Variants in KDM1A observed in about 807,000 individuals in gnomAD.
KDM1A encodes the protein lysine-specific histone demethylase 1A.
In KDM1A, 49 loss-of-function variants were observed where a neutral mutation model predicts 109.4. That is an observed-to-expected ratio of 0.45 (90% confidence interval 0.36 to 0.57). The LOEUF (loss-of-function observed/expected upper bound fraction) is 0.57. Ranked by LOEUF, KDM1A falls within the 20% of genes least tolerant of loss-of-function variation. The pLI, the probability that KDM1A is intolerant of heterozygous loss-of-function variation, is 0.00. For missense variants in KDM1A, 668 were observed against 1,116.6 expected (o/e 0.60, Z 5.73); for synonymous variants, 380 against 415.4 (o/e 0.91, Z 1.04).
intron 7 of KDM1A, among the ~76,000 whole-genome samples, chr1:23,056,943 T>G (rs1349952783): frequency 6.6e-6 from 1 of 152,044 alleles, no homozygotes; most frequent in African/African-American, 2.4e-5. Context: ...ATAAAAGGTA[T>G]TGTGAACAGG....
chr1:23,026,840 G>T (rs1184560802), intron 1 of KDM1A, among the ~76,000 whole-genome samples: 1 of 152,174 alleles, frequency 6.6e-6, no homozygotes. Flanking sequence ...CTCATAGTCT[G>T]CCTGTTGGGA....
At position 23,038,250 on chromosome 1, in the gene KDM1A, CTGTTTG is replaced by C. The variant is rs1435497980; in HGVS notation, c.518-6173_518-6168del. Among the ~76,000 whole-genome samples, 576 of 85,144 alleles carry C rather than the reference CTGTTTG, an allele frequency of 6.8e-3. 21 individuals carry two copies. In the Admixed American group the frequency reaches 0.072, roughly 11 times the overall value. The allele number at this position is 85,144 out of a possible 152,430, so 55.9% of individuals were successfully genotyped here. A position where few individuals can be genotyped will look rare whatever the true frequency, so the allele number is the denominator to read the frequency against. ...TAGATAACTTTTTAAGCATCTGGAACTGTTTGTGTGTGTGTGTGTGTGTGTGTGTGT... is the reference window on the plus strand; with the variant it reads ...TAGATAACTTTTTAAGCATCTGGAACTGTGTGTGTGTGTGTGTGTGTGTGT... On this transcript the variant is annotated intron_variant, in intron 2 of 20. Coordinates refer to ENST00000400181, the MANE Select transcript of KDM1A (RefSeq NM_001009999.3).
intron 2 of KDM1A, among the ~76,000 whole-genome samples, chr1:23,038,254 T>TTG (rs56016343): frequency 0.1 from 15,340 of 149,154 alleles, 784 homozygotes; most frequent in South Asian, 0.17. Context: ...CTGGAACTGT[T>TTG]TGTGTGTGTG....
chr1:23,029,976 C>T (rs538826163), intron 1 of KDM1A, among the ~76,000 whole-genome samples: 1 of 152,332 alleles, frequency 6.6e-6, no homozygotes, highest in South Asian at 2.1e-4. Context: ...TGCACCTTTT[C>T]ATAGTTTCAG....
intron 3 of KDM1A, 95 bp from the exon 4 acceptor site, chr1:23,050,292 C>T (rs1642628186): frequency 7.8e-7 from 1 of 1,285,920 alleles, no homozygotes; most frequent in Non-Finnish European, 1.0e-6. Flanking sequence ...TTAAAAAGGT[C>T]AGTCTGTGAG....
At chr1:23,037,303 C>CAAAAAAAA (rs34692132) in intron 2 of KDM1A, among the ~76,000 whole-genome samples, 2 of 55,860 alleles carry the variant, frequency 3.6e-5, no homozygotes, top group African/African-American at 1.3e-4. Context: ...GACCCTGTCT[C>CAAAAAAAA]AAAAAAAAAA....
chr1:23,066,859 T>G (rs1380824460), intron 10 of KDM1A, among the ~76,000 whole-genome samples: 1 of 152,228 alleles, frequency 6.6e-6, no homozygotes, highest in Non-Finnish European at 1.5e-5. Context: ...GTAGCATGTT[T>G]CTGAGCAAAA....
chr1:23,029,398 A>T (rs1167777206), intron 1 of KDM1A, among the ~76,000 whole-genome samples: 2 of 152,208 alleles, frequency 1.3e-5, no homozygotes, highest in African/African-American at 4.8e-5. Flanking sequence ...GGAAGTCACA[A>T]TGATGATTTG....
At chr1:23,059,041 T>C in intron 8 of KDM1A, 32 bp from the exon 9 acceptor site, 1 of 1,397,256 alleles carries the variant, frequency 7.2e-7, no homozygotes, top group East Asian at 2.3e-5. Flanking sequence ...TTCATAGGTC[T>C]ATTGAATTTA....
intron 2 of KDM1A, among the ~76,000 whole-genome samples, chr1:23,036,789 A>G (rs1238300198): frequency 6.6e-6 from 1 of 152,188 alleles, no homozygotes; most frequent in Admixed American, 6.5e-5. Flanking sequence ...GGTGAAGAGT[A>G]GAGAATTGGT....
chr1:23,066,039 C>A, intron 9 of KDM1A, 21 bp from the exon 10 acceptor site: 1 of 1,605,286 alleles, frequency 6.2e-7, no homozygotes, highest in South Asian at 1.1e-5. Flanking sequence ...TTATTTCTCT[C>A]TCTGCTGCAC....
At chr1:23,068,785 T>A in intron 11 of KDM1A, 104 bp downstream of exon 11, 2 of 1,042,588 alleles carry the variant, frequency 1.9e-6, no homozygotes, top group Non-Finnish European at 2.7e-6. Flanking sequence ...TAGTTTTTAC[T>A]TAATTTTGTA....
At chr1:23,035,964 A>G (rs1037860413) in intron 2 of KDM1A, among the ~76,000 whole-genome samples, 1 of 152,176 alleles carries the variant, frequency 6.6e-6, no homozygotes, top group Non-Finnish European at 1.5e-5. Flanking sequence ...CTTTGTTTAT[A>G]AGATACCCTG....
At chr1:23,080,817 C>T (rs1282481275) in intron 18 of KDM1A, 2 of 152,266 alleles carry the variant, frequency 1.3e-5, no homozygotes, top group South Asian at 2.1e-4. Flanking sequence ...TCTCCACTGC[C>T]CCAAATGTAA....
At chr1:23,031,559 T>C (rs1212176066) in intron 2 of KDM1A, among the ~76,000 whole-genome samples, 1 of 151,884 alleles carries the variant, frequency 6.6e-6, no homozygotes, top group Admixed American at 6.6e-5. Context: ...TTTGAGATGT[T>C]TTATCTTTTG....
chr1:23,050,568 T>A, intron 4 of KDM1A, 48 bp downstream of exon 4: 1 of 1,457,376 alleles, frequency 6.9e-7, no homozygotes, highest in African/African-American at 1.4e-5. Flanking sequence ...AAAGTATATA[T>A]GGCTTTGATA....
intron 3 of KDM1A, 86 bp downstream of exon 3, chr1:23,044,572 T>G (rs1046352823): frequency 2.2e-5 from 26 of 1,197,468 alleles, no homozygotes; most frequent in Non-Finnish European, 2.9e-5. Flanking sequence ...GGCTGTGGTA[T>G]CCACATTTTA....
At chr1:23,057,747 C>G (rs1016508430) in intron 8 of KDM1A, 182 bp downstream of exon 8, 59 of 335,624 alleles carry the variant, frequency 1.8e-4, no homozygotes, top group African/African-American at 1.3e-3. Context: ...GTACCTTTTT[C>G]TAGTTCTAGG....
intron 19 of KDM1A, 193 bp from the exon 20 acceptor site, chr1:23,082,027 G>A (rs544119498): frequency 1.1e-5 from 6 of 553,722 alleles, no homozygotes; most frequent in African/African-American, 3.8e-5. Flanking sequence ...ACATGGAGGG[G>A]CATCCTTCCT....
Sources: allele counts gnomAD v4.1 joint callset (sites outside exome capture counted in the v4.1 genomes callset), GRCh38; gene constraint gnomAD v4.1.1; transcripts MANE v1.5; gene names NCBI Gene and HGNC (gene_info 2026-07-23, HGNC 2026-07-21).